The following CSRNP3 variants were observed in gnomAD, a reference collection of about 807,000 sequenced individuals.
CSRNP3 encodes cysteine and serine rich nuclear protein 3, also known as cysteine/serine-rich nuclear protein 3.
CSRNP3 carries 12 observed loss-of-function variants against 48.0 expected under a neutral mutation model. That is an observed-to-expected ratio of 0.25 (90% CI 0.16 to 0.41). The LOEUF is 0.41. CSRNP3 is among the 10% of genes least tolerant of loss of function. CSRNP3 has a pLI of 1.00. For missense variants in CSRNP3, 580 were observed against 724.4 expected (o/e 0.80, Z 2.29); for synonymous variants, 263 against 269.7 (o/e 0.98, Z 0.24).
intron 5 of CSRNP3, among the ~76,000 whole-genome samples, chr2:165,672,136 T>C (rs1687341812): frequency 6.6e-6 from 1 of 152,168 alleles, no homozygotes; most frequent in African/African-American, 2.4e-5. Context: ...TTCTGAACTT[T>C]CCCACATTTT....
Position 165,686,978 on chromosome 2 carries a change from C to G in CSRNP3, c.*7225C>G, listed in dbSNP as rs1027376721. 1 of 152,112 alleles carries G rather than the reference C, an allele frequency of 6.6e-6. No homozygotes were observed. The highest frequency in any genetic ancestry group is 2.4e-5 in the African/African-American group (1 of 41,442). The allele number at this position is 152,112 out of a possible 1,614,324, so 9.4% of individuals were successfully genotyped here. A position where few individuals can be genotyped will look rare whatever the true frequency, so the allele number is the denominator to read the frequency against. ...AAGACTGTCACTTAGGCATGCCCAA[C>G]AGGAGAGATCGCCATCTATTCTTAA... On this transcript the variant is annotated 3_prime_UTR_variant, in exon 7 of 7. Coordinates refer to ENST00000651982, the MANE Select transcript of CSRNP3 (RefSeq NM_001172173.2).
chr2:165,581,529 C>A (rs1685545860), intron 3 of CSRNP3, among the ~76,000 whole-genome samples: 1 of 138,918 alleles, frequency 7.2e-6, no homozygotes, highest in Non-Finnish European at 1.6e-5. Context: ...ATGCCCTGCC[C>A]ACCCCTCCCA....
chr2:165,658,126 T>C, intron 5 of CSRNP3, 106 bp downstream of exon 5: 1 of 1,242,846 alleles, frequency 8.0e-7, no homozygotes, highest in Non-Finnish European at 1.1e-6. Flanking sequence ...GCACTTTACA[T>C]AACAGACTGC....
chr2:165,518,916 C>T (rs1684614837), intron 3 of CSRNP3, among the ~76,000 whole-genome samples: 1 of 151,916 alleles, frequency 6.6e-6, no homozygotes, highest in African/African-American at 2.4e-5. Context: ...CAATATGTTA[C>T]CTAGAAATTA....
At chr2:165,666,383 G>A (rs149116536) in intron 5 of CSRNP3, among the ~76,000 whole-genome samples, 1,537 of 42,034 alleles carry the variant, frequency 0.037, 124 homozygotes, top group Non-Finnish European at 0.061. Context: ...GGAAGAAAGA[G>A]AGAGAGAGAA....
chr2:165,561,419 A>AT (rs945406537), intron 3 of CSRNP3, among the ~76,000 whole-genome samples: 37 of 151,610 alleles, frequency 2.4e-4, no homozygotes, highest in Non-Finnish European at 3.7e-4. Context: ...AGAATGGTTG[A>AT]TTTTTTTTTC....
At chr2:165,520,269 G>A (rs1282710549) in intron 3 of CSRNP3, among the ~76,000 whole-genome samples, 3 of 152,106 alleles carry the variant, frequency 2.0e-5, no homozygotes. Context: ...TTCATTCAAT[G>A]TTTGGTTCTG....
intron 3 of CSRNP3, among the ~76,000 whole-genome samples, chr2:165,519,818 G>T (rs1684628355): frequency 6.6e-6 from 1 of 152,074 alleles, no homozygotes; most frequent in Non-Finnish European, 1.5e-5. Context: ...TTTGATGCTT[G>T]TAAGTACCAT....
chr2:165,673,098 G>GT (rs1442835486), intron 5 of CSRNP3, among the ~76,000 whole-genome samples: 1 of 122,972 alleles, frequency 8.1e-6, no homozygotes, highest in African/African-American at 3.0e-5. Flanking sequence ...AAAACTTATA[G>GT]TTTATTGAGC....
At chr2:165,565,239 A>G (rs1388471599) in intron 3 of CSRNP3, among the ~76,000 whole-genome samples, 1 of 152,104 alleles carries the variant, frequency 6.6e-6, no homozygotes, top group Non-Finnish European at 1.5e-5. Context: ...TTAATACCAC[A>G]TACTTGGCTA....
rs1687234043 is a variant in CSRNP3 at position 165,666,988 on chromosome 2, A to AAGGAAGGG, written c.408+8969_408+8970insGGAAGGGA. Among the ~76,000 whole-genome samples the AAGGAAGGG allele has an allele frequency of 1.0e-4, 9 of 88,808 alleles. 1 individual carries two copies. Among genetic ancestry groups the AAGGAAGGG allele is most frequent in the Non-Finnish European group, 1.3e-4 (5 of 37,650 alleles). The allele number at this position is 88,808 out of a possible 152,430, so 58.3% of individuals were successfully genotyped here. ...GAAGGAAGGAAAGAGAGAGAGGAAG[A>AAGGAAGGG]AAGAAAGAGAGAGAGAGGAAGGAAG... is the stretch of plus-strand genomic sequence containing the variant. On this transcript the variant is annotated intron_variant, in intron 5 of 6. Transcript: ENST00000651982.
At chr2:165,673,583 T>C (rs1332171836) in intron 5 of CSRNP3, among the ~76,000 whole-genome samples, 1 of 152,208 alleles carries the variant, frequency 6.6e-6, no homozygotes, top group Non-Finnish European at 1.5e-5. Flanking sequence ...CAGTTGTTTG[T>C]TTTTTAATTC....
intron 5 of CSRNP3, among the ~76,000 whole-genome samples, chr2:165,674,681 AATATATATAT>A (rs59117817): frequency 3.4e-4 from 35 of 103,200 alleles, no homozygotes; most frequent in South Asian, 1.3e-3. Flanking sequence ...AATACTTCTG[AATATATATAT>A]ATATATATAT....
chr2:165,593,962 C>A (rs2105294296), intron 3 of CSRNP3, among the ~76,000 whole-genome samples: 2 of 152,198 alleles, frequency 1.3e-5, no homozygotes, highest in Admixed American at 1.3e-4. Flanking sequence ...AAAACAGAGT[C>A]AAAACTTTGT....
chr2:165,688,418 G>A lies in CSRNP3; in HGVS notation c.*8665G>A, dbSNP rs988517711. The A allele has an allele frequency of 7.9e-5, 12 of 152,058 alleles. No individual in the cohort carries two copies. Among genetic ancestry groups the A allele is most frequent in the Admixed American group, 2.6e-4 (4 of 15,246 alleles). The allele number at this position is 152,058 out of a possible 1,614,324, so 9.4% of individuals were successfully genotyped here. A position where few individuals can be genotyped will look rare whatever the true frequency, so the allele number is the denominator to read the frequency against. Reference sequence around the variant, plus strand: ...CTGTTTACGCAGAAAATGGCACTTTGTTCTTTCAGTGTGTTTCCCTCAGTG... The same window carrying A: ...CTGTTTACGCAGAAAATGGCACTTTATTCTTTCAGTGTGTTTCCCTCAGTG... On this transcript the variant is annotated 3_prime_UTR_variant, in exon 7 of 7. Transcript: ENST00000651982.
At chr2:165,602,956 G>T (rs1239232585) in intron 4 of CSRNP3, among the ~76,000 whole-genome samples, 2 of 151,702 alleles carry the variant, frequency 1.3e-5, no homozygotes, top group African/African-American at 4.8e-5. Flanking sequence ...GTGCAGTGGC[G>T]CAATCTCGGC....
At chr2:165,562,970 T>A (rs1403885477) in intron 3 of CSRNP3, among the ~76,000 whole-genome samples, 1 of 152,108 alleles carries the variant, frequency 6.6e-6, no homozygotes, top group Non-Finnish European at 1.5e-5. Context: ...GTTAACCTGA[T>A]GAAGGAGAGA....
intron 3 of CSRNP3, among the ~76,000 whole-genome samples, chr2:165,557,153 T>C (rs1214406774): frequency 6.6e-6 from 1 of 152,122 alleles, no homozygotes; most frequent in African/African-American, 2.4e-5. Flanking sequence ...TTTTAAGTGA[T>C]TGAAAAAAAG....
chr2:165,667,095 G>GAA (rs1687245158), intron 5 of CSRNP3, among the ~76,000 whole-genome samples: 1 of 31,774 alleles, frequency 3.1e-5, no homozygotes, highest in African/African-American at 1.0e-4. Flanking sequence ...AAGAGAGAGA[G>GAA]AGAAAAGGAA....
Sources: allele counts gnomAD v4.1 joint callset (sites outside exome capture counted in the v4.1 genomes callset), GRCh38; gene constraint gnomAD v4.1.1; transcripts MANE v1.5; gene names NCBI Gene and HGNC (gene_info 2026-07-23, HGNC 2026-07-21).